CDH18: variants seen among roughly 807,000 people sequenced by gnomAD.
CDH18 encodes cadherin-18.
Under a neutral mutation model 67.9 loss-of-function variants are expected in CDH18, and 31 were observed. That is an observed-to-expected ratio of 0.46 (90% CI 0.34 to 0.62). The LOEUF (loss-of-function observed/expected upper bound fraction) is 0.62, where lower values mean the gene tolerates loss of function less well. Ranked by LOEUF, CDH18 falls within the 20% of genes least tolerant of loss-of-function variation. CDH18 has a pLI of 0.01. For synonymous variants in CDH18, 362 were observed against 347.2 expected (o/e 1.04, Z -0.48); for missense variants, 890 against 975.5 (o/e 0.91, Z 1.17).
At chr5:20,251,957 C>T (rs143321636) in intron 2 of CDH18, among the ~76,000 whole-genome samples, 6 of 152,040 alleles carry the variant, frequency 3.9e-5, no homozygotes, top group Admixed American at 6.6e-5. Context: ...ATAGAATATG[C>T]GTGATGAAGT....
intron 1 of CDH18, among the ~76,000 whole-genome samples, chr5:19,983,032 C>G (rs1417167946): frequency 1.6e-5 from 1 of 63,294 alleles, no homozygotes; most frequent in South Asian, 6.6e-4. Context: ...GACTCCATCT[C>G]GAAAAAAAAA....
intron 2 of CDH18, among the ~76,000 whole-genome samples, chr5:19,974,068 CAT>C (rs1487790655): frequency 1.3e-5 from 2 of 152,010 alleles, no homozygotes; most frequent in Admixed American, 6.6e-5. Context: ...CAAAGATACA[CAT>C]AGTGAACATA....
intron 2 of CDH18, among the ~76,000 whole-genome samples, chr5:19,857,107 A>C (rs1455802834): frequency 6.6e-6 from 1 of 151,996 alleles, no homozygotes; most frequent in African/African-American, 2.4e-5. Flanking sequence ...CATGCCTGCA[A>C]TCCAGCCACT....
intron 2 of CDH18, among the ~76,000 whole-genome samples, chr5:19,890,259 A>C (rs1228078297): frequency 6.6e-6 from 1 of 151,966 alleles, no homozygotes; most frequent in Non-Finnish European, 1.5e-5. Context: ...ACCTTCCTGG[A>C]CTGTCACATC....
Position 19,473,021 on chromosome 5 carries a change from T to G in CDH18, c.*205A>C. The G allele has an allele frequency of 9.4e-6, 5 of 529,610 alleles. No individual in the cohort carries two copies. The highest frequency in any genetic ancestry group is 3.0e-5 in the South Asian group (1 of 33,330). 32.8% of individuals were successfully genotyped at this position (529,610 alleles called of 1,614,324 possible). On this transcript the variant is annotated 3_prime_UTR_variant, in exon 13 of 13. Transcript: ENST00000382275. ...TACACAAGGAACAATAACTTTTTCT[T>G]TGTATTGTCTTTTTTTTTTTTTTTT...
At chr5:19,815,826 T>A (rs1253812183) in intron 3 of CDH18, among the ~76,000 whole-genome samples, 1 of 151,878 alleles carries the variant, frequency 6.6e-6, no homozygotes, top group Admixed American at 6.6e-5. Flanking sequence ...CACTGGAACT[T>A]TTTCCTTACC....
intron 2 of CDH18, among the ~76,000 whole-genome samples, chr5:19,888,225 T>C (rs1250363809): frequency 1.3e-5 from 2 of 152,198 alleles, no homozygotes; most frequent in African/African-American, 4.8e-5. Context: ...ACAATTAGCT[T>C]GCACACAAAA....
chr5:20,326,843 A>G (rs912844221), intron 1 of CDH18, among the ~76,000 whole-genome samples: 11 of 152,176 alleles, frequency 7.2e-5, no homozygotes, highest in African/African-American at 2.7e-4. Context: ...GCCTGGCCAC[A>G]TATTTACATT....
intron 1 of CDH18, among the ~76,000 whole-genome samples, chr5:20,349,607 A>G (rs1740997525): frequency 6.6e-6 from 1 of 152,162 alleles, no homozygotes; most frequent in African/African-American, 2.4e-5. Context: ...CATGAAAAGG[A>G]TATAATATCA....
Position 19,485,984 on chromosome 5 carries a change from A to G in CDH18, c.1631-2432T>C, listed in dbSNP as rs2126621659. 1.3e-5 allele frequency among the ~76,000 whole-genome samples: 2 copies of G among 152,334 alleles called. 1 individual carries two copies. Among genetic ancestry groups the G allele is most frequent in the Non-Finnish European group, 2.9e-5 (2 of 68,028 alleles). On this transcript the variant is annotated intron_variant, in intron 11 of 12. Coordinates refer to ENST00000382275, the MANE Select transcript of CDH18 (RefSeq NM_004934.5). ...GGAAATGCAATCAGAAATAAGACAA[A>G]TACCAGAATATGTTTCTAGTGCATT...
At chr5:20,173,525 G>T (rs897748931) in intron 2 of CDH18, among the ~76,000 whole-genome samples, 10 of 152,134 alleles carry the variant, frequency 6.6e-5, no homozygotes, top group Non-Finnish European at 1.0e-4. Flanking sequence ...AGAAAATGTA[G>T]GTAAGTACCT....
At chr5:20,135,618 TATTGG>T (rs1749642526) in intron 2 of CDH18, among the ~76,000 whole-genome samples, 1 of 152,190 alleles carries the variant, frequency 6.6e-6, no homozygotes, top group Non-Finnish European at 1.5e-5. Flanking sequence ...CATAGTTATT[TATTGG>T]CTTCTGCTAG....
chr5:20,261,089 T>G (rs1744615100), intron 1 of CDH18, among the ~76,000 whole-genome samples: 3 of 152,180 alleles, frequency 2.0e-5, no homozygotes, highest in African/African-American at 7.2e-5. Flanking sequence ...TCATCAACCT[T>G]CATAATAACA....
chr5:19,708,150 A>G (rs972905417), intron 5 of CDH18, among the ~76,000 whole-genome samples: 9 of 152,342 alleles, frequency 5.9e-5, no homozygotes, highest in African/African-American at 2.2e-4. Flanking sequence ...AGCATCTAGA[A>G]GGACACTCTA....
At chr5:19,556,415 G>A (rs568307516) in intron 8 of CDH18, among the ~76,000 whole-genome samples, 2 of 151,768 alleles carry the variant, frequency 1.3e-5, no homozygotes, top group Non-Finnish European at 2.9e-5. Flanking sequence ...GTGAATAGAC[G>A]GCATAAATAA....
In CDH18 at chr5:19,747,046, T is replaced by G; in HGVS notation, c.419A>C (p.Glu140Ala). The change falls in exon 4 of 13, where the codon GAG becomes GCG. Residue 140 changes from glutamate to alanine, a missense_variant. Glu to Ala is a moderately radical substitution (Grantham distance 107, BLOSUM62 -1). Coordinates refer to ENST00000382275, the MANE Select transcript of CDH18 (RefSeq NM_004934.5). The part of the protein sequence containing the change: ...AIDRRTNKPL[E>A]PESEFIIKVQ... Reference sequence around the variant, plus strand: ...TTTGATGATGAACTCGGATTCAGGCTCAAGAGGTTTGTTTGTACGTCTATC... The same window carrying G: ...TTTGATGATGAACTCGGATTCAGGCGCAAGAGGTTTGTTTGTACGTCTATC... 1 of 1,614,146 alleles carries G rather than the reference T, an allele frequency of 6.2e-7. No individual in the cohort carries two copies. The highest frequency in any genetic ancestry group is 8.5e-7 in the Non-Finnish European group (1 of 1,180,016).
At chr5:20,023,082 A>C (rs957337996) in intron 2 of CDH18, among the ~76,000 whole-genome samples, 32 of 152,136 alleles carry the variant, frequency 2.1e-4, no homozygotes, top group African/African-American at 6.8e-4. Flanking sequence ...CTAATAGAGT[A>C]TGTTTTCTCC....
chr5:19,571,665 G>A lies in CDH18; in HGVS notation c.1167C>T (p.Leu389=). The change falls in exon 8 of 13, where the codon CTC becomes CTT. Residue 389 remains leucine (L), a synonymous_variant. Transcript: ENST00000382275. ...TCTTGGCATTTTCGTAGACTTCCAT[G>A]AGGTAGGAAGGCATGGAAAATAGTG... is the stretch of plus-strand genomic sequence containing the variant. ...EPPLFSMPSY[L]MEVYENAKIG... 1 of 1,613,772 alleles carries A rather than the reference G, an allele frequency of 6.2e-7. No individual in the cohort carries two copies. The highest frequency in any genetic ancestry group is 8.5e-7 in the Non-Finnish European group (1 of 1,179,764).
At position 20,390,700 on chromosome 5, in the gene CDH18, C is replaced by T. The variant is rs4346768; in HGVS notation, c.-579-135195G>A. Among the ~76,000 whole-genome samples, 2,665 of 152,022 alleles carry T rather than the reference C, an allele frequency of 0.018. 251 individuals are homozygous for T. In the East Asian group the frequency reaches 0.3, roughly 17 times the overall value. On this transcript the variant is annotated intron_variant, in intron 1 of 14. Coordinates refer to the CDH18 transcript ENST00000507958. ...GACACATGCACACGTATGTTTATTG[C>T]GGCACTATTCACAATAGCAAAGGCT...
Sources: gnomAD v4.1 joint callset for allele counts (sites outside exome capture counted in the v4.1 genomes callset) on GRCh38, gnomAD v4.1.1 for gene constraint, MANE v1.5 for transcripts, NCBI Gene and HGNC (gene_info 2026-07-23, HGNC 2026-07-21) for gene names.